The following GCKR variants were observed in gnomAD, a reference collection of about 807,000 sequenced individuals.
GCKR encodes the protein glucokinase regulatory protein.
A neutral mutation model predicts 82.9 loss-of-function variants in GCKR; 73 were observed. The observed-to-expected ratio is 0.88, with a 90% CI of 0.73 to 1.07. The LOEUF is 1.07. Among genes scored for constraint, GCKR ranks in the 50% least tolerant of loss-of-function variants. The probability of loss-of-function intolerance (pLI) is 0.00; values close to 1 mark genes in which losing one functional copy is unlikely to be tolerated. For synonymous variants in GCKR, 294 were observed against 291.8 expected (o/e 1.01, Z -0.08); for missense variants, 784 against 782.1 (o/e 1.00, Z -0.03).
chr2:27,516,279 T>G (rs1440713423), intron 16 of GCKR, among the ~76,000 whole-genome samples: 1 of 148,408 alleles, frequency 6.7e-6, no homozygotes, highest in African/African-American at 2.5e-5. Context: ...TGTTCTTCAT[T>G]CTTGTTTTTT....
chr2:27,512,314 G>A (rs1218781917), intron 16 of GCKR, among the ~76,000 whole-genome samples: 1 of 151,042 alleles, frequency 6.6e-6, no homozygotes, highest in African/African-American at 2.4e-5. Flanking sequence ...GAGGTGGGTG[G>A]ATCACAAGGT....
chr2:27,507,584 A>C (rs1445780749), intron 13 of GCKR, 97 bp from the exon 14 acceptor site: 2 of 783,338 alleles, frequency 2.6e-6, no homozygotes, highest in Non-Finnish European at 4.7e-6. Flanking sequence ...ACCTGTGCAC[A>C]AAAGTGTTAG....
intron 11 of GCKR, 41 bp downstream of exon 11, chr2:27,506,620 T>A (rs753585285): frequency 7.4e-7 from 1 of 1,344,476 alleles, no homozygotes; most frequent in South Asian, 1.2e-5. Context: ...GTGGCCCGGA[T>A]GGAGAATACT....
rs1383378516 is a variant in GCKR, at chr2:27,506,544, C to T, written c.933C>T (p.Pro311=). ...RAHQVTYSQS[P]KIATLMKSVS... ...ATCAGGTGACCTACAGCCAAAGCCC[C>T]AAGATTGCCACCCTGATGAAGAGTG... Residue 311 remains proline, a synonymous_variant, in exon 11 of 19, where the codon CCC becomes CCT. Transcript: ENST00000264717. 6.2e-7 allele frequency: 1 copy of T among 1,613,378 alleles called. No individual in the cohort carries two copies. The highest frequency in any genetic ancestry group is 1.3e-5 in the African/African-American group (1 of 74,862).
chr2:27,523,184 C>A, intron 18 of GCKR, 85 bp from the exon 19 acceptor site: 1 of 1,139,620 alleles, frequency 8.8e-7, no homozygotes, highest in Non-Finnish European at 1.3e-6. Context: ...CAGGCGTGAG[C>A]CACTGCGCCC....
intron 16 of GCKR, among the ~76,000 whole-genome samples, 197 bp from the exon 17 acceptor site, chr2:27,518,591 A>G (rs1311120811): frequency 6.6e-6 from 1 of 152,176 alleles, no homozygotes; most frequent in African/African-American, 2.4e-5. Flanking sequence ...GGGTGAAGCT[A>G]CCAGGTTTGC....
At chr2:27,501,024 G>A (rs1012459969) in intron 7 of GCKR, 111 bp from the exon 8 acceptor site, 17 of 837,086 alleles carry the variant, frequency 2.0e-5, no homozygotes, top group Non-Finnish European at 3.4e-5. Context: ...AACTGTACCT[G>A]GGAATCTGCA....
intron 17 of GCKR, 141 bp downstream of exon 17, chr2:27,519,078 C>T (rs1280233619): frequency 1.4e-6 from 1 of 709,874 alleles, no homozygotes. Flanking sequence ...CTATTAGGTG[C>T]ATCTTCCCCT....
intron 9 of GCKR, among the ~76,000 whole-genome samples, chr2:27,505,110 A>G (rs1489635445): frequency 8.6e-3 from 710 of 82,880 alleles, no homozygotes; most frequent in Middle Eastern, 0.075. Context: ...TGGGTGGCAG[A>G]GTGAGACTCC....
intron 13 of GCKR, 146 bp from the exon 14 acceptor site, chr2:27,507,535 T>C: frequency 1.4e-6 from 1 of 692,228 alleles, no homozygotes; most frequent in Non-Finnish European, 2.6e-6. Flanking sequence ...TTACATAATC[T>C]TGGGCAAAAC....
In GCKR at chr2:27,518,894, T is replaced by C. The variant is rs1439049557; in HGVS notation, c.1529T>C (p.Ile510Thr). 1 of 1,613,902 alleles carries C rather than the reference T, an allele frequency of 6.2e-7. No individual in the cohort carries two copies. The highest frequency in any genetic ancestry group is 1.3e-5 in the African/African-American group (1 of 74,928). The change falls in exon 17 of 19, where the codon ATT becomes ACT. Residue 510 changes from isoleucine (I) to threonine (T), a missense_variant. Coordinates refer to ENST00000264717, the MANE Select transcript of GCKR (RefSeq NM_001486.4). Reference sequence around the variant, plus strand: ...CAAAACCACATGTTGGACCTTCGGATTAGCAACTCCAAGCTCTTCTGGCGG... The same window carrying C: ...CAAAACCACATGTTGGACCTTCGGACTAGCAACTCCAAGCTCTTCTGGCGG... ...ILQNHMLDLR[I>T]SNSKLFWRAL...
At chr2:27,510,255 C>G (rs180949310) in intron 16 of GCKR, among the ~76,000 whole-genome samples, 3 of 152,182 alleles carry the variant, frequency 2.0e-5, no homozygotes, top group East Asian at 3.9e-4. Context: ...GTGATCCACC[C>G]GCCTCAGCCT....
intron 7 of GCKR, 114 bp downstream of exon 7, chr2:27,499,564 C>A: frequency 2.3e-6 from 2 of 873,666 alleles, no homozygotes; most frequent in South Asian, 2.6e-5. Context: ...GAAGTTTGCT[C>A]AAGGAATTTT....
Position 27,507,758 on chromosome 2 carries a change from C to G in GCKR, c.1221C>G (p.Val407=). The G allele has an allele frequency of 6.3e-7, 1 of 1,593,804 alleles. No individual in the cohort carries two copies. The highest frequency in any genetic ancestry group is 8.6e-7 in the Non-Finnish European group (1 of 1,161,598). ...CTCTCACGGAAATCGATACTGTGGT[C>G]TTCATTTTCACCCTGGATGGTGAGA... ...LPSLTEIDTV[V]FIFTLDDNLT... The change falls in exon 14 of 19, where the codon GTC becomes GTG. Residue 407 remains valine, a synonymous_variant. Coordinates refer to ENST00000264717, the MANE Select transcript of GCKR (RefSeq NM_001486.4).
intron 9 of GCKR, among the ~76,000 whole-genome samples, chr2:27,505,354 C>T (rs1350734967): frequency 1.4e-5 from 2 of 146,478 alleles, no homozygotes; most frequent in Admixed American, 1.4e-4. Flanking sequence ...CGAGATCCTG[C>T]CACTGCACTC....
chr2:27,523,579 T>C lies in GCKR; in HGVS notation c.*140T>C, dbSNP rs1364470344. On this transcript the variant is annotated 3_prime_UTR_variant, in exon 19 of 19. Coordinates refer to ENST00000264717, the MANE Select transcript of GCKR (RefSeq NM_001486.4). ...ATCCGCAGCCCAGGGTAGGGAGAAA[T>C]ATTCTCTCCACTTTGGGGGAGAGTT... 1.3e-6 allele frequency: 1 copy of C among 790,174 alleles called. No homozygotes were observed. Among genetic ancestry groups the C allele is most frequent in the Non-Finnish European group, 2.1e-6 (1 of 471,766 alleles). The allele number at this position is 790,174 out of a possible 1,614,324, so 48.9% of individuals were successfully genotyped here. A position where few individuals can be genotyped will look rare whatever the true frequency, so the allele number is the denominator to read the frequency against.
chr2:27,499,336 C>A, intron 6 of GCKR, 61 bp from the exon 7 acceptor site: 1 of 1,416,410 alleles, frequency 7.1e-7, no homozygotes, highest in Non-Finnish European at 1.0e-6. Flanking sequence ...TATCCTCACA[C>A]AGTAGATTTG....
At chr2:27,498,607 G>A in intron 4 of GCKR, 117 bp from the exon 5 acceptor site, 2 of 751,628 alleles carry the variant, frequency 2.7e-6, no homozygotes, top group Non-Finnish European at 2.4e-6. Context: ...TGTAGGACTG[G>A]GTTAAGCACT....
At chr2:27,522,654 G>A in intron 18 of GCKR, 60 bp downstream of exon 18, 1 of 1,462,516 alleles carries the variant, frequency 6.8e-7, no homozygotes, top group South Asian at 1.1e-5. Flanking sequence ...AGTGTGTCAG[G>A]AAGTTTGTTC....
Sources: allele counts gnomAD v4.1 joint callset (sites outside exome capture counted in the v4.1 genomes callset), GRCh38; gene constraint gnomAD v4.1.1; transcripts MANE v1.5; gene names NCBI Gene and HGNC (gene_info 2026-07-23, HGNC 2026-07-21).